ACSS3: variants seen among roughly 807,000 people sequenced by gnomAD.
ACSS3 encodes acyl-CoA synthetase short chain family member 3.
ACSS3 carries 64 observed loss-of-function variants against 84.2 expected under a neutral mutation model. That is an observed-to-expected ratio of 0.76 (90% CI 0.62 to 0.94). The LOEUF (loss-of-function observed/expected upper bound fraction) is 0.94, where lower values mean the gene tolerates loss of function less well. Ranked by LOEUF, ACSS3 falls within the 40% of genes least tolerant of loss-of-function variation. The probability of loss-of-function intolerance (pLI) is 0.00; values close to 1 mark genes in which losing one functional copy is unlikely to be tolerated. For missense variants in ACSS3, 815 were observed against 867.6 expected, an observed-to-expected ratio of 0.94 and a Z score of 0.76; for synonymous variants, 317 against 310.1, an observed-to-expected ratio of 1.02 and a Z score of -0.23.
intron 4 of ACSS3, 24 bp from the exon 5 acceptor site, chr12:81,143,083 T>G: frequency 1.2e-6 from 2 of 1,604,746 alleles, no homozygotes; most frequent in Non-Finnish European, 1.7e-6. Context: ...TTACAGTACA[T>G]ATTCTTATAT....
intron 13 of ACSS3, among the ~76,000 whole-genome samples, chr12:81,240,647 G>A (rs2033768430): frequency 6.6e-6 from 1 of 151,578 alleles, no homozygotes; most frequent in Admixed American, 6.6e-5. Flanking sequence ...TCTGCATTTT[G>A]TGGTTATAAT....
chr12:81,156,509 CTA>C (rs1886878166), intron 7 of ACSS3, among the ~76,000 whole-genome samples: 1 of 151,750 alleles, frequency 6.6e-6, no homozygotes. Flanking sequence ...TGAAAAAGAA[CTA>C]TTTCTTTGAA....
At chr12:81,138,868 G>A (rs1885942301) in intron 3 of ACSS3, among the ~76,000 whole-genome samples, 1 of 152,086 alleles carries the variant, frequency 6.6e-6, no homozygotes, top group South Asian at 2.1e-4. Flanking sequence ...TGGATTATTT[G>A]AAAGGGATTT....
Position 81,231,141 on chromosome 12 carries a change from A to G in ACSS3, c.1596+3A>G. 6.3e-7 allele frequency: 1 copy of G among 1,599,468 alleles called. No homozygotes were observed. Among genetic ancestry groups the G allele is most frequent in the Non-Finnish European group, 8.5e-7 (1 of 1,169,988 alleles). On this transcript the variant is annotated splice_donor_region_variant and intron_variant, in intron 12 of 15. Transcript: ENST00000548058. Reference sequence around the variant, plus strand: ...ATTTATACTTTGAAAAATTTCCTGTAAGAACTTTAATATGCTTTTTTATCT... The same window carrying G: ...ATTTATACTTTGAAAAATTTCCTGTGAGAACTTTAATATGCTTTTTTATCT...
intron 8 of ACSS3, among the ~76,000 whole-genome samples, chr12:81,181,187 T>C (rs2030892643): frequency 6.6e-6 from 1 of 152,142 alleles, no homozygotes; most frequent in East Asian, 1.9e-4. Flanking sequence ...CAGTAGGATC[T>C]CTAAAGCCCT....
chr12:81,245,391 G>A (rs748652954), intron 13 of ACSS3, among the ~76,000 whole-genome samples: 2 of 152,354 alleles, frequency 1.3e-5, no homozygotes, highest in Non-Finnish European at 2.9e-5. Flanking sequence ...GAACCCGCAA[G>A]GCGGAGCTTG....
At chr12:81,174,979 G>C in intron 8 of ACSS3, 40 bp downstream of exon 8, 2 of 1,593,892 alleles carry the variant, frequency 1.3e-6, no homozygotes, top group Admixed American at 3.4e-5. Flanking sequence ...ATTAGAAAGT[G>C]CAATCAAAAT....
chr12:81,240,583 T>A (rs2033765378), intron 13 of ACSS3, among the ~76,000 whole-genome samples: 1 of 152,066 alleles, frequency 6.6e-6, no homozygotes, highest in Admixed American at 6.6e-5. Context: ...CCAGATTTGT[T>A]ACAGTTTTCT....
At chr12:81,198,006 T>G (rs1212561657) in intron 8 of ACSS3, among the ~76,000 whole-genome samples, 1 of 152,152 alleles carries the variant, frequency 6.6e-6, no homozygotes, top group Non-Finnish European at 1.5e-5. Context: ...TTCTCAAGTC[T>G]TTTCACATTT....
chr12:81,241,090 G>GT (rs1297934926), intron 13 of ACSS3, among the ~76,000 whole-genome samples: 4 of 149,364 alleles, frequency 2.7e-5, no homozygotes, highest in African/African-American at 9.9e-5. Context: ...GTGGTGTTTG[G>GT]TTTTTTGTTC....
At chr12:81,225,703 C>G (rs908085280) in intron 11 of ACSS3, among the ~76,000 whole-genome samples, 1 of 151,886 alleles carries the variant, frequency 6.6e-6, no homozygotes, top group Non-Finnish European at 1.5e-5. Context: ...ATTTCTTTTT[C>G]TTGTAGTTCA....
At chr12:81,117,618 A>G (rs554298081) in intron 2 of ACSS3, among the ~76,000 whole-genome samples, 3 of 152,266 alleles carry the variant, frequency 2.0e-5, no homozygotes, top group Non-Finnish European at 4.4e-5. Context: ...AGTATCCAGG[A>G]GTCAGATCAT....
intron 7 of ACSS3, among the ~76,000 whole-genome samples, chr12:81,152,645 TC>T (rs1191830560): frequency 6.6e-6 from 1 of 152,190 alleles, no homozygotes; most frequent in African/African-American, 2.4e-5. Context: ...GAAATTTACT[TC>T]ATATGCCTAT....
intron 3 of ACSS3, among the ~76,000 whole-genome samples, chr12:81,136,129 A>G (rs1885788084): frequency 6.6e-6 from 1 of 152,186 alleles, no homozygotes; most frequent in African/African-American, 2.4e-5. Context: ...ATGGGGTACA[A>G]AAATAACAAT....
At chr12:81,178,399 G>C (rs1278127385) in intron 8 of ACSS3, among the ~76,000 whole-genome samples, 2 of 149,928 alleles carry the variant, frequency 1.3e-5, no homozygotes, top group Non-Finnish European at 3.0e-5. Context: ...CACCAGCATG[G>C]CACATGTATA....
intron 2 of ACSS3, among the ~76,000 whole-genome samples, chr12:81,126,660 G>T (rs1238664105): frequency 6.6e-6 from 1 of 152,102 alleles, no homozygotes; most frequent in Admixed American, 6.6e-5. Context: ...AATTTTCTGT[G>T]AAATTACAGT....
intron 7 of ACSS3, among the ~76,000 whole-genome samples, chr12:81,170,345 A>G (rs955588156): frequency 6.6e-6 from 1 of 152,154 alleles, no homozygotes; most frequent in Non-Finnish European, 1.5e-5. Context: ...GGATGTTAAC[A>G]TTAAGGCATT....
intron 2 of ACSS3, among the ~76,000 whole-genome samples, chr12:81,121,156 G>A (rs1565987392): frequency 1.3e-5 from 2 of 152,134 alleles, no homozygotes; most frequent in South Asian, 2.1e-4. Context: ...ATATTGATTG[G>A]CTTTTGAGAT....
intron 7 of ACSS3, among the ~76,000 whole-genome samples, chr12:81,162,122 G>A (rs545662687): frequency 6.6e-6 from 1 of 152,304 alleles, no homozygotes; most frequent in Admixed American, 6.5e-5. Context: ...CAGCCATTTG[G>A]TGAATCCTGA....
Sources: allele counts gnomAD v4.1 joint callset (sites outside exome capture counted in the v4.1 genomes callset), GRCh38; gene constraint gnomAD v4.1.1; transcripts MANE v1.5; gene names NCBI Gene and HGNC (gene_info 2026-07-23, HGNC 2026-07-21).